MAGI2: variants seen among roughly 807,000 people sequenced by gnomAD.
MAGI2 encodes membrane-associated guanylate kinase, WW and PDZ domain-containing protein 2.
Under a neutral mutation model 133.3 loss-of-function variants are expected in MAGI2, and 35 were observed. The ratio of observed to expected loss-of-function variants is 0.26; its 90% CI spans 0.20 to 0.35. The LOEUF (loss-of-function observed/expected upper bound fraction) is 0.35. MAGI2 is among the 10% of genes least tolerant of loss of function. The pLI is 1.00. For synonymous variants in MAGI2, 729 were observed against 710.6 expected (o/e 1.03, Z -0.41); for missense variants, 1,636 against 1,863.4 (o/e 0.88, Z 2.25).
At chr7:78,201,631 A>G (rs1050457953) in intron 10 of MAGI2, among the ~76,000 whole-genome samples, 7 of 152,244 alleles carry the variant, frequency 4.6e-5, no homozygotes, top group African/African-American at 1.4e-4. Flanking sequence ...TTAAAAATCA[A>G]TTAATAAGCC....
intron 16 of MAGI2, among the ~76,000 whole-genome samples, chr7:78,135,473 A>T (rs1484362152): frequency 6.6e-6 from 1 of 152,194 alleles, no homozygotes; most frequent in African/African-American, 2.4e-5. Context: ...ATTAACCTAG[A>T]GTTAAAAAGA....
chr7:78,020,639 A>G (rs1808301493), intron 21 of MAGI2, among the ~76,000 whole-genome samples: 1 of 152,136 alleles, frequency 6.6e-6, no homozygotes, highest in South Asian at 2.1e-4. Flanking sequence ...GTGTTGGGTC[A>G]CATTCAAAGC....
chr7:79,194,723 T>A (rs2129551451), intron 1 of MAGI2, among the ~76,000 whole-genome samples: 1 of 151,936 alleles, frequency 6.6e-6, no homozygotes, highest in East Asian at 1.9e-4. Context: ...AGTGAAATCT[T>A]CCCTGAGCTT....
chr7:78,079,205 C>A, intron 20 of MAGI2, 120 bp from the exon 21 acceptor site: 1 of 930,812 alleles, frequency 1.1e-6, no homozygotes, highest in South Asian at 1.5e-5. Flanking sequence ...TTGGTGGCAG[C>A]CTGCTGCTTT....
At chr7:78,949,329 A>C (rs1801685365) in intron 2 of MAGI2, among the ~76,000 whole-genome samples, 1 of 152,174 alleles carries the variant, frequency 6.6e-6, no homozygotes, top group South Asian at 2.1e-4. Flanking sequence ...ATTACAAACC[A>C]AAACACTGGC....
At chr7:78,481,765 A>C (rs1052398582) in intron 6 of MAGI2, among the ~76,000 whole-genome samples, 1 of 151,932 alleles carries the variant, frequency 6.6e-6, no homozygotes, top group African/African-American at 2.4e-5. Context: ...AAATTAACCC[A>C]AAATACACAA....
At chr7:78,361,432 C>A (rs917538937) in intron 7 of MAGI2, among the ~76,000 whole-genome samples, 26 of 149,288 alleles carry the variant, frequency 1.7e-4, no homozygotes, top group Non-Finnish European at 3.3e-4. Flanking sequence ...CAACCCCCCT[C>A]CCCCCCACAA....
chr7:79,269,706 T>A (rs1236984730), intron 1 of MAGI2, among the ~76,000 whole-genome samples: 1 of 152,192 alleles, frequency 6.6e-6, no homozygotes, highest in African/African-American at 2.4e-5. Context: ...TTGCTTGTGA[T>A]CTCCAAGCTG....
chr7:78,722,560 A>C (rs1021861249), intron 2 of MAGI2, among the ~76,000 whole-genome samples: 5 of 152,100 alleles, frequency 3.3e-5, no homozygotes, highest in African/African-American at 1.2e-4. Context: ...AAAGAAATAT[A>C]GATCTTAAAT....
chr7:78,417,304 TA>T (rs5885059), intron 6 of MAGI2, among the ~76,000 whole-genome samples: 81 of 147,918 alleles, frequency 5.5e-4, no homozygotes, highest in South Asian at 1.7e-3. Context: ...AACCATTTTC[TA>T]AAAAAAAAAA....
At chr7:78,461,622 A>C (rs939918798) in intron 6 of MAGI2, among the ~76,000 whole-genome samples, 4 of 152,072 alleles carry the variant, frequency 2.6e-5, no homozygotes, top group Non-Finnish European at 5.9e-5. Flanking sequence ...TGTAAAAAAG[A>C]AACAGCAGGC....
intron 1 of MAGI2, among the ~76,000 whole-genome samples, chr7:79,102,381 C>T (rs542506179): frequency 2.1e-4 from 32 of 152,232 alleles, no homozygotes; most frequent in South Asian, 1.0e-3. Flanking sequence ...CTAAATCAAA[C>T]GGTAAGCAAA....
At chr7:78,631,779 C>T (rs1319733214) in intron 2 of MAGI2, among the ~76,000 whole-genome samples, 1 of 152,132 alleles carries the variant, frequency 6.6e-6, no homozygotes, top group African/African-American at 2.4e-5. Flanking sequence ...ATTAGAATTA[C>T]TCTTTGGTTC....
intron 1 of MAGI2, among the ~76,000 whole-genome samples, chr7:79,391,180 G>C (rs1844576576): frequency 6.6e-6 from 1 of 152,032 alleles, no homozygotes; most frequent in Admixed American, 6.6e-5. Context: ...ACAAATTAAA[G>C]CCTAAATGTC....
chr7:78,470,818 A>G (rs1038777582), intron 6 of MAGI2, among the ~76,000 whole-genome samples: 19 of 152,190 alleles, frequency 1.2e-4, no homozygotes, highest in Non-Finnish European at 2.9e-5. Context: ...TTATATGGAC[A>G]TCATGTAACT....
intron 1 of MAGI2, among the ~76,000 whole-genome samples, chr7:79,358,952 C>T (rs1280941922): frequency 2.0e-5 from 3 of 152,126 alleles, no homozygotes; most frequent in Non-Finnish European, 4.4e-5. Flanking sequence ...GCCAAGAATA[C>T]AGTCAGAAAT....
At chr7:78,297,100 G>A (rs537116429) in intron 9 of MAGI2, among the ~76,000 whole-genome samples, 10 of 152,332 alleles carry the variant, frequency 6.6e-5, no homozygotes, top group African/African-American at 2.4e-4. Context: ...AGCTATGTAA[G>A]GTGGTGGAGT....
At chr7:78,341,538 A>G (rs993015221) in intron 9 of MAGI2, among the ~76,000 whole-genome samples, 1 of 152,230 alleles carries the variant, frequency 6.6e-6, no homozygotes, top group Non-Finnish European at 1.5e-5. Context: ...TGGAGGCATC[A>G]CACTACATGC....
intron 2 of MAGI2, among the ~76,000 whole-genome samples, chr7:78,646,331 A>C (rs1810889948): frequency 6.6e-6 from 1 of 152,182 alleles, no homozygotes. Context: ...CATTAAAAGA[A>C]CACTTATAAT....
Sources: allele counts gnomAD v4.1 joint callset (sites outside exome capture counted in the v4.1 genomes callset), GRCh38; gene constraint gnomAD v4.1.1; transcripts MANE v1.5; gene names NCBI Gene and HGNC (gene_info 2026-07-23, HGNC 2026-07-21).